WWOX: variants seen among roughly 807,000 people sequenced by gnomAD.
WWOX encodes WW domain-containing oxidoreductase.
WWOX carries 69 observed loss-of-function variants against 46.2 expected under a neutral mutation model. That is an observed-to-expected ratio of 1.49 (90% CI 1.23 to 1.82). The LOEUF (loss-of-function observed/expected upper bound fraction) is 1.82. WWOX is among the 40% of genes most tolerant of loss of function. WWOX has a pLI of 0.00. For missense variants in WWOX, 919 were observed against 542.6 expected (o/e 1.69, Z -6.89); for synonymous variants, 359 against 202.6 (o/e 1.77, Z -6.56).
chr16:79,189,935 G>A (rs144948900), intron 8 of WWOX, among the ~76,000 whole-genome samples: 2 of 142,650 alleles, frequency 1.4e-5, no homozygotes, highest in Non-Finnish European at 3.1e-5. Flanking sequence ...GGGTGGGGAA[G>A]GGGGGGGGGA....
intron 8 of WWOX, among the ~76,000 whole-genome samples, chr16:78,601,731 A>G (rs1597331391): frequency 6.6e-6 from 1 of 152,210 alleles, no homozygotes; most frequent in Admixed American, 6.5e-5. Context: ...CTCTGGAAGG[A>G]ACAAAGGATT....
rs1275450561 is a variant in WWOX, at chr16:78,719,182, G to A, written c.1056+286430G>A. Among the ~76,000 whole-genome samples, 5 of 152,158 alleles carry A rather than the reference G, an allele frequency of 3.3e-5. No individual in the cohort carries two copies. The South Asian group carries it at 6.2e-4, about 19-fold the overall frequency. ...CTTTCTTCCCAAAGCCTGTTTTCTT[G>A]CCTGAACCTGATCAACAGAAACAGT... On this transcript the variant is annotated intron_variant, in intron 8 of 8. Coordinates refer to ENST00000566780, the MANE Select transcript of WWOX (RefSeq NM_016373.4).
chr16:78,954,845 G>T (rs986616087), intron 8 of WWOX, among the ~76,000 whole-genome samples: 2 of 151,948 alleles, frequency 1.3e-5, no homozygotes, highest in African/African-American at 4.8e-5. Flanking sequence ...GCTGGAGTGC[G>T]GTGGCATGAT....
At chr16:79,185,051 G>T (rs1281315555) in intron 8 of WWOX, among the ~76,000 whole-genome samples, 2 of 152,150 alleles carry the variant, frequency 1.3e-5, no homozygotes, top group Non-Finnish European at 2.9e-5. Flanking sequence ...CTCACCTTCT[G>T]GTCCTTTTGT....
chr16:78,103,868 T>G (rs2031961657), intron 1 of WWOX, among the ~76,000 whole-genome samples: 1 of 151,890 alleles, frequency 6.6e-6, no homozygotes, highest in Non-Finnish European at 1.5e-5. Flanking sequence ...TGTCGGCCTC[T>G]CCTGCTTTCC....
At chr16:78,792,657 A>C (rs1195689975) in intron 8 of WWOX, among the ~76,000 whole-genome samples, 1 of 152,202 alleles carries the variant, frequency 6.6e-6, no homozygotes, top group African/African-American at 2.4e-5. Context: ...GGAAAGAGGA[A>C]GGATACCTTT....
chr16:78,275,336 C>T (rs566813946), intron 5 of WWOX, among the ~76,000 whole-genome samples: 10 of 152,318 alleles, frequency 6.6e-5, no homozygotes, highest in African/African-American at 1.7e-4. Context: ...TCACCCTGTA[C>T]GGTGGCCGCC....
chr16:79,053,447 A>G (rs945083402), intron 8 of WWOX, among the ~76,000 whole-genome samples: 1 of 152,166 alleles, frequency 6.6e-6, no homozygotes, highest in Non-Finnish European at 1.5e-5. Context: ...ATCCAATTCA[A>G]TTTGTAGGAA....
At chr16:78,688,479 T>C (rs181737271) in intron 8 of WWOX, among the ~76,000 whole-genome samples, 2 of 152,144 alleles carry the variant, frequency 1.3e-5, no homozygotes, top group African/African-American at 4.8e-5. Context: ...TAACCCACCA[T>C]ATTGAGAGAA....
intron 8 of WWOX, among the ~76,000 whole-genome samples, chr16:78,502,000 T>C (rs2085082338): frequency 6.6e-6 from 1 of 152,146 alleles, no homozygotes; most frequent in South Asian, 2.1e-4. Flanking sequence ...ACCTGAGTCT[T>C]ATCCCCTTTG....
intron 8 of WWOX, among the ~76,000 whole-genome samples, chr16:78,853,836 C>T (rs2052507058): frequency 1.3e-5 from 2 of 152,088 alleles, no homozygotes; most frequent in Admixed American, 6.5e-5. Context: ...GCGAAGCCCT[C>T]AGCAATAGAT....
chr16:79,053,777 A>T (rs1477367264), intron 8 of WWOX, among the ~76,000 whole-genome samples: 2 of 152,160 alleles, frequency 1.3e-5, no homozygotes, highest in East Asian at 3.9e-4. Flanking sequence ...TGCAAATGAA[A>T]ACCATTAATC....
intron 8 of WWOX, among the ~76,000 whole-genome samples, chr16:78,569,916 T>A (rs1192683844): frequency 1.3e-5 from 2 of 152,222 alleles, no homozygotes; most frequent in Non-Finnish European, 2.9e-5. Context: ...CGGTACCTCT[T>A]GTCACATGGT....
intron 8 of WWOX, among the ~76,000 whole-genome samples, chr16:79,177,523 C>G (rs1414526162): frequency 6.6e-6 from 1 of 152,174 alleles, no homozygotes; most frequent in East Asian, 1.9e-4. Context: ...CCCTCTCCTT[C>G]CAGCTTTCAA....
At chr16:78,823,300 A>G (rs374849291) in intron 8 of WWOX, among the ~76,000 whole-genome samples, 1 of 152,330 alleles carries the variant, frequency 6.6e-6, no homozygotes, top group East Asian at 1.9e-4. Flanking sequence ...TGGGGGCTGC[A>G]GGAAGAGAGG....
At chr16:78,404,072 A>G (rs1018421749) in intron 6 of WWOX, among the ~76,000 whole-genome samples, 1 of 152,198 alleles carries the variant, frequency 6.6e-6, no homozygotes, top group African/African-American at 2.4e-5. Flanking sequence ...AAAGTATAGA[A>G]GAGTTCGTTT....
At chr16:78,703,250 C>T (rs757785544) in intron 8 of WWOX, among the ~76,000 whole-genome samples, 19 of 152,092 alleles carry the variant, frequency 1.2e-4, no homozygotes, top group Non-Finnish European at 1.9e-4. Flanking sequence ...ACATTCACCC[C>T]GGCAGCCCAT....
chr16:78,930,999 G>A (rs946398400), intron 8 of WWOX, among the ~76,000 whole-genome samples: 1 of 152,102 alleles, frequency 6.6e-6, no homozygotes, highest in African/African-American at 2.4e-5. Context: ...CCATAAGATG[G>A]GGATAGCAAT....
At chr16:78,180,775 C>A (rs1029481425) in intron 5 of WWOX, among the ~76,000 whole-genome samples, 1 of 151,144 alleles carries the variant, frequency 6.6e-6, no homozygotes, top group African/African-American at 2.4e-5. Flanking sequence ...GAGTAGGGGG[C>A]ATATGTTAGG....
Sources: gnomAD v4.1 joint callset for allele counts (sites outside exome capture counted in the v4.1 genomes callset) on GRCh38, gnomAD v4.1.1 for gene constraint, MANE v1.5 for transcripts, NCBI Gene and HGNC (gene_info 2026-07-23, HGNC 2026-07-21) for gene names.